OSBPL10: variants seen among roughly 807,000 people sequenced by gnomAD.
OSBPL10 encodes oxysterol binding protein like 10.
OSBPL10 carries 49 observed loss-of-function variants against 81.7 expected under a neutral mutation model. That is an observed-to-expected ratio of 0.60 (90% CI 0.48 to 0.76). OSBPL10 has a LOEUF of 0.76. Ranked by LOEUF, OSBPL10 falls within the 30% of genes least tolerant of loss-of-function variation. OSBPL10 has a pLI of 0.00. For missense variants in OSBPL10, 923 were observed against 987.8 expected (o/e 0.93, Z 0.88); for synonymous variants, 419 against 383.6 (o/e 1.09, Z -1.08).
In OSBPL10 at chr3:31,670,836, A is replaced by G. The variant is rs2125513294; in HGVS notation, c.1874T>C (p.Ile625Thr). Residue 625 changes from isoleucine to threonine, a missense_variant, in exon 9 of 12, where the codon ATA (isoleucine) becomes ACA (threonine). Transcript: ENST00000396556. Reference sequence around the variant, plus strand: ...TCCATAGAAAGGCTTCGTGTGGAATATCACTGTCGCTGAGTACCCAGTCTT... The same window carrying G: ...TCCATAGAAAGGCTTCGTGTGGAATGTCACTGTCGCTGAGTACCCAGTCTT... ...CAKTGYSATVIFHTKPFYGGK... is the reference protein window; with the variant it reads ...CAKTGYSATVTFHTKPFYGGK... 5 of 1,614,148 alleles carry G rather than the reference A, an allele frequency of 3.1e-6. No individual in the cohort carries two copies. The highest frequency in any genetic ancestry group is 2.2e-5 in the South Asian group (2 of 91,060).
chr3:31,717,498 T>A (rs1575496762), intron 6 of OSBPL10, among the ~76,000 whole-genome samples: 1 of 152,062 alleles, frequency 6.6e-6, no homozygotes, highest in Non-Finnish European at 1.5e-5. Context: ...TAGCATTTTG[T>A]AGAAAAAAAA....
intron 3 of OSBPL10, among the ~76,000 whole-genome samples, chr3:31,831,000 G>T (rs1210702215): frequency 6.6e-6 from 1 of 152,100 alleles, no homozygotes; most frequent in East Asian, 1.9e-4. Context: ...AACAAAGCTG[G>T]ATTCATCTCT....
intron 4 of OSBPL10, among the ~76,000 whole-genome samples, chr3:31,781,926 C>A (rs1698706559): frequency 4.6e-5 from 7 of 152,060 alleles, no homozygotes; most frequent in Admixed American, 4.6e-4. Flanking sequence ...AAAATACCAT[C>A]ATAATTCTTC....
At chr3:31,863,030 G>C (rs935273407) in intron 3 of OSBPL10, among the ~76,000 whole-genome samples, 1 of 152,136 alleles carries the variant, frequency 6.6e-6, no homozygotes, top group Non-Finnish European at 1.5e-5. Flanking sequence ...TGCATCAAGC[G>C]ATGAAGGGAT....
chr3:31,939,446 T>A (rs1697476952), intron 1 of OSBPL10, among the ~76,000 whole-genome samples: 1 of 150,230 alleles, frequency 6.7e-6, no homozygotes. Context: ...CCTGGCCAAC[T>A]CTTTCATCTT....
intron 8 of OSBPL10, among the ~76,000 whole-genome samples, chr3:31,682,196 C>G (rs1263839430): frequency 2.0e-5 from 3 of 152,042 alleles, no homozygotes; most frequent in Non-Finnish European, 2.9e-5. Context: ...CCTCCCTAGT[C>G]TCCTTGTTTC....
Position 31,733,314 on chromosome 3 carries a change from G to A in OSBPL10, c.1038C>T (p.Thr346=), listed in dbSNP as rs1697033692. ...CAGCAGAGTTTGGTAAAATTGCCCAGGTTATGTTGGCACTGGCTGATGGCA... is the reference window on the plus strand; with the variant it reads ...CAGCAGAGTTTGGTAAAATTGCCCAAGTTATGTTGGCACTGGCTGATGGCA... ...GSLPSASANI[T]WAILPNSAED... The change falls in exon 6 of 12, where the codon ACC becomes ACT. Residue 346 remains threonine (T), a synonymous_variant. Transcript: ENST00000396556. 1 of 1,613,390 alleles carries A rather than the reference G, an allele frequency of 6.2e-7. No homozygotes were observed. Among genetic ancestry groups the A allele is most frequent in the South Asian group, 1.1e-5 (1 of 90,782 alleles).
intron 5 of OSBPL10, among the ~76,000 whole-genome samples, chr3:31,733,698 T>G (rs900943004): frequency 3.3e-5 from 5 of 150,094 alleles, no homozygotes; most frequent in South Asian, 2.1e-4. Context: ...TTTTTTTTTT[T>G]TTTTTTTTTT....
chr3:31,965,891 ATAT>A (rs1477625852), intron 1 of OSBPL10, among the ~76,000 whole-genome samples: 7,041 of 102,890 alleles, frequency 0.068, 983 homozygotes, highest in African/African-American at 0.26. Flanking sequence ...TAGATAACAT[ATAT>A]TATATATTAT....
At chr3:31,864,429 A>G (rs1701126735) in intron 3 of OSBPL10, among the ~76,000 whole-genome samples, 1 of 151,980 alleles carries the variant, frequency 6.6e-6, no homozygotes, top group Non-Finnish European at 1.5e-5. Flanking sequence ...TTTGGTAGAC[A>G]GGGTTTCGCC....
At chr3:32,020,216 AC>A (rs1575086798) in intron 2 of OSBPL10, among the ~76,000 whole-genome samples, 1 of 152,302 alleles carries the variant, frequency 6.6e-6, no homozygotes, top group East Asian at 1.9e-4. Context: ...ACAATTCATG[AC>A]TTTTAGAATC....
chr3:31,972,845 T>C (rs1698602019), intron 1 of OSBPL10, among the ~76,000 whole-genome samples: 2 of 152,164 alleles, frequency 1.3e-5, no homozygotes, highest in South Asian at 4.1e-4. Flanking sequence ...CCCTAAAAAC[T>C]ACAACACAAA....
intron 1 of OSBPL10, among the ~76,000 whole-genome samples, chr3:32,070,081 T>A (rs1437059383): frequency 3.9e-5 from 6 of 152,328 alleles, no homozygotes; most frequent in Non-Finnish European, 7.4e-5. Flanking sequence ...AGACTGACTC[T>A]GCCTGATCAC....
At chr3:31,969,827 C>G (rs1386434540) in intron 1 of OSBPL10, among the ~76,000 whole-genome samples, 2 of 151,556 alleles carry the variant, frequency 1.3e-5, no homozygotes, top group Admixed American at 1.3e-4. Flanking sequence ...TGCACTCCAG[C>G]CTGGGCGACA....
chr3:31,801,190 CTCTT>C (rs1699369529), intron 4 of OSBPL10, among the ~76,000 whole-genome samples: 1 of 152,144 alleles, frequency 6.6e-6, no homozygotes, highest in Non-Finnish European at 1.5e-5. Context: ...GGGATAAAGA[CTCTT>C]TCTTTAGGCA....
At chr3:31,677,586 C>A (rs1370719024) in intron 8 of OSBPL10, among the ~76,000 whole-genome samples, 1 of 152,194 alleles carries the variant, frequency 6.6e-6, no homozygotes, top group Non-Finnish European at 1.5e-5. Flanking sequence ...TCTAATTCTG[C>A]TTCATCTGCA....
At chr3:31,847,266 G>A (rs949784435) in intron 3 of OSBPL10, among the ~76,000 whole-genome samples, 33 of 151,144 alleles carry the variant, frequency 2.2e-4, no homozygotes, top group Admixed American at 2.1e-3. Flanking sequence ...GCACAATCTC[G>A]GCTCACTGCA....
At chr3:32,029,205 C>G (rs1487382339) in intron 2 of OSBPL10, among the ~76,000 whole-genome samples, 1 of 151,978 alleles carries the variant, frequency 6.6e-6, no homozygotes, top group African/African-American at 2.4e-5. Context: ...CATATAAAAC[C>G]CCAGGTCAAA....
Position 31,965,913 on chromosome 3 carries a change from GATAATAT to G in OSBPL10, c.281+14979_281+14985del, listed in dbSNP as rs1308122431. Among the ~76,000 whole-genome samples the G allele has an allele frequency of 2.7e-3, 280 of 102,584 alleles. 1 individual carries two copies. The highest frequency in any genetic ancestry group is 0.01 in the African/African-American group (264 of 25,722). The allele number at this position is 102,584 out of a possible 152,430, so 67.3% of individuals were successfully genotyped here. On this transcript the variant is annotated intron_variant, in intron 1 of 11. Coordinates refer to ENST00000396556, the MANE Select transcript of OSBPL10 (RefSeq NM_017784.5). Reference sequence around the variant, plus strand: ...CATATATTATATATTATATAAAATAGATAATATATAATATATATTATATAAAATAGAT... The same window carrying G: ...CATATATTATATATTATATAAAATAGATAATATATATTATATAAAATAGAT...
Sources: allele counts gnomAD v4.1 joint callset (sites outside exome capture counted in the v4.1 genomes callset), GRCh38; gene constraint gnomAD v4.1.1; transcripts MANE v1.5; gene names NCBI Gene and HGNC (gene_info 2026-07-23, HGNC 2026-07-21).